The following PDE4B variants were observed in gnomAD, a reference collection of about 807,000 sequenced individuals.
PDE4B encodes the protein phosphodiesterase 4B, also known as 3',5'-cyclic-AMP phosphodiesterase 4B.
Under a neutral mutation model 82.2 loss-of-function variants are expected in PDE4B, and 20 were observed. The observed-to-expected ratio is 0.24, with a 90% CI of 0.17 to 0.35. The LOEUF is 0.35. Ranked by LOEUF, PDE4B falls within the 10% of genes least tolerant of loss-of-function variation. The pLI is 1.00. For synonymous variants in PDE4B, 320 were observed against 318.9 expected (o/e 1.00, Z -0.04); for missense variants, 655 against 907.2 (o/e 0.72, Z 3.57).
intron 3 of PDE4B, among the ~76,000 whole-genome samples, chr1:66,214,389 G>C (rs1650294449): frequency 6.6e-6 from 1 of 152,058 alleles, no homozygotes; most frequent in South Asian, 2.1e-4. Flanking sequence ...AAGGCAGTAA[G>C]GTCAGAATAA....
At chr1:66,027,155 T>A (rs1037505933) in intron 3 of PDE4B, among the ~76,000 whole-genome samples, 1 of 152,164 alleles carries the variant, frequency 6.6e-6, no homozygotes, top group Non-Finnish European at 1.5e-5. Context: ...TATCTGAGAC[T>A]GGGAAGGAGA....
intron 1 of PDE4B, among the ~76,000 whole-genome samples, chr1:65,876,178 T>C: frequency 1.3e-5 from 2 of 152,186 alleles, no homozygotes; most frequent in Middle Eastern, 3.4e-3. Context: ...TAATAATTAC[T>C]TTATAATAAT....
At chr1:66,141,668 C>T (rs910772598) in intron 3 of PDE4B, among the ~76,000 whole-genome samples, 8 of 151,950 alleles carry the variant, frequency 5.3e-5, no homozygotes, top group Middle Eastern at 3.4e-3. Flanking sequence ...CAATACTTGC[C>T]GGGCCTATGA....
intron 4 of PDE4B, among the ~76,000 whole-genome samples, chr1:66,251,556 T>C (rs1174759057): frequency 6.6e-6 from 1 of 152,174 alleles, no homozygotes; most frequent in Non-Finnish European, 1.5e-5. Flanking sequence ...TACGGAAACA[T>C]TAGAAGTCAA....
At chr1:66,163,072 G>A (rs1302319964) in intron 3 of PDE4B, among the ~76,000 whole-genome samples, 1 of 152,166 alleles carries the variant, frequency 6.6e-6, no homozygotes, top group East Asian at 1.9e-4. Flanking sequence ...CTTACTGTAA[G>A]AGATTAGCCT....
At chr1:66,165,166 T>C (rs1217376715) in intron 3 of PDE4B, among the ~76,000 whole-genome samples, 4 of 152,180 alleles carry the variant, frequency 2.6e-5, no homozygotes, top group African/African-American at 4.8e-5. Context: ...CTTTCTGTTA[T>C]AAAATGAGAA....
intron 8 of PDE4B, among the ~76,000 whole-genome samples, chr1:66,353,385 G>T (rs530617355): frequency 2.9e-4 from 44 of 152,280 alleles, no homozygotes; most frequent in Non-Finnish European, 5.4e-4. Flanking sequence ...ACCTCCAAAA[G>T]CCAGGTCTCC....
At chr1:65,944,973 T>C (rs1269158956) in intron 3 of PDE4B, among the ~76,000 whole-genome samples, 2 of 151,970 alleles carry the variant, frequency 1.3e-5, no homozygotes, top group Non-Finnish European at 2.9e-5. Flanking sequence ...TCTGGGATAA[T>C]GTATCCTGAT....
rs1193875350 is a variant in PDE4B, at chr1:66,216,364, G to T, written c.282-31096G>T. On this transcript the variant is annotated intron_variant, in intron 3 of 16. Coordinates refer to ENST00000341517, the MANE Select transcript of PDE4B (RefSeq NM_002600.4). ...TCCTGATGAATACAGTATATTTGAAGAAAGCAATTCAAAAAATAAAAAGTC... is the reference window on the plus strand; with the variant it reads ...TCCTGATGAATACAGTATATTTGAATAAAGCAATTCAAAAAATAAAAAGTC... 6.0e-5 allele frequency among the ~76,000 whole-genome samples: 9 copies of T among 151,240 alleles called. No homozygotes were observed. The East Asian group carries it at 1.5e-3, about 26-fold the overall frequency.
At chr1:66,347,409 C>T (rs1180771526) in intron 8 of PDE4B, among the ~76,000 whole-genome samples, 1 of 152,134 alleles carries the variant, frequency 6.6e-6, no homozygotes, top group Non-Finnish European at 1.5e-5. Context: ...TTTATGTGTG[C>T]AAACCTCCAA....
At chr1:65,982,804 T>G (rs765679718) in intron 3 of PDE4B, among the ~76,000 whole-genome samples, 4 of 152,146 alleles carry the variant, frequency 2.6e-5, no homozygotes, top group Admixed American at 6.5e-5. Context: ...TGGTTGATAA[T>G]GCAGATAGTT....
chr1:66,135,583 A>G (rs1163002889), intron 3 of PDE4B, among the ~76,000 whole-genome samples: 5 of 152,164 alleles, frequency 3.3e-5, no homozygotes, highest in African/African-American at 1.2e-4. Context: ...AGAGATAGAA[A>G]CAAGTTTAGG....
chr1:65,946,052 A>C (rs551893160), intron 3 of PDE4B, among the ~76,000 whole-genome samples: 2 of 151,922 alleles, frequency 1.3e-5, no homozygotes, highest in East Asian at 1.9e-4. Context: ...TTCATCTTAC[A>C]CCCACACACT....
At chr1:66,196,647 A>G (rs952750625) in intron 3 of PDE4B, among the ~76,000 whole-genome samples, 1 of 152,188 alleles carries the variant, frequency 6.6e-6, no homozygotes, top group African/African-American at 2.4e-5. Context: ...TGATGAGTTC[A>G]TGTCCTTTGT....
Position 66,297,993 on chromosome 1 carries a change from C to T in PDE4B, c.634+31906C>T, listed in dbSNP as rs562683611. On this transcript the variant is annotated intron_variant, in intron 7 of 16. Transcript: ENST00000341517. ...ATTATATGTAAAAGTCTGCCCAAAG[C>T]TGTTTTAATCATTTGTATGAATGTA... Among the ~76,000 whole-genome samples, 11 of 152,238 alleles carry T rather than the reference C, an allele frequency of 7.2e-5. 1 individual carries two copies. Among genetic ancestry groups the T allele is most frequent in the South Asian group, 6.2e-4 (3 of 4,826 alleles).
chr1:66,286,236 T>C (rs1390248293), intron 7 of PDE4B, among the ~76,000 whole-genome samples: 1 of 152,188 alleles, frequency 6.6e-6, no homozygotes, highest in African/African-American at 2.4e-5. Context: ...ACTGAAACTT[T>C]GAGGAGTTGG....
chr1:65,840,676 C>T (rs1021896308), intron 1 of PDE4B, among the ~76,000 whole-genome samples: 8 of 152,122 alleles, frequency 5.3e-5, no homozygotes. Context: ...TCGTTAGCTA[C>T]GAGACCCTGT....
intron 7 of PDE4B, among the ~76,000 whole-genome samples, chr1:66,324,875 C>T (rs1478909839): frequency 6.6e-6 from 1 of 152,130 alleles, no homozygotes; most frequent in East Asian, 1.9e-4. Flanking sequence ...AAATAACATG[C>T]CCTCTTGAAA....
intron 3 of PDE4B, among the ~76,000 whole-genome samples, chr1:65,934,924 C>G (rs1276949289): frequency 1.3e-5 from 2 of 152,118 alleles, no homozygotes; most frequent in Non-Finnish European, 2.9e-5. Flanking sequence ...TTATAGGAGG[C>G]TTCTTTACCC....
Sources: gnomAD v4.1 joint callset for allele counts (sites outside exome capture counted in the v4.1 genomes callset) on GRCh38, gnomAD v4.1.1 for gene constraint, MANE v1.5 for transcripts, NCBI Gene and HGNC (gene_info 2026-07-23, HGNC 2026-07-21) for gene names.